Variants in MSN observed in about 807,000 individuals in gnomAD.
MSN encodes the protein epididymis luminal protein 70.
MSN carries 2 observed loss-of-function variants against 48.0 expected under a neutral mutation model. That is an observed-to-expected ratio of 0.04 (90% CI 0.02 to 0.13). The LOEUF (loss-of-function observed/expected upper bound fraction) is 0.13, where lower values mean the gene tolerates loss of function less well. Ranked by LOEUF, MSN falls within the 10% of genes least tolerant of loss-of-function variation. The pLI is 1.00. For synonymous variants in MSN, 146 were observed against 166.9 expected (o/e 0.87, Z 0.97); for missense variants, 267 against 470.1 (o/e 0.57, Z 3.99).
At chrX:65,623,851 C>A (rs182600951) in intron 1 of MSN, among the ~76,000 whole-genome samples, 2 of 109,002 alleles carry the variant, frequency 1.8e-5, no homozygotes, top group East Asian at 2.9e-4. Context: ...TAAGTGAAAT[C>A]ATCTGGCTCT....
intron 1 of MSN, among the ~76,000 whole-genome samples, chrX:65,670,900 A>T (rs1207858522): frequency 5.3e-3 from 4 of 749 alleles, no homozygotes; most frequent in Admixed American, 0.019. Context: ...TGACAGTTAT[A>T]TATATATATA....
intron 1 of MSN, among the ~76,000 whole-genome samples, chrX:65,708,898 G>A (rs942292341): frequency 3.6e-5 from 4 of 111,466 alleles, no homozygotes; most frequent in Non-Finnish European, 1.9e-5. Context: ...GGCCAGGCTG[G>A]TCTTGAACTC....
intron 1 of MSN, among the ~76,000 whole-genome samples, chrX:65,659,245 C>G (rs1051088377): frequency 9.1e-6 from 1 of 110,470 alleles, no homozygotes. Context: ...TCTTTGCCTC[C>G]CAGGTTCAAG....
intron 2 of MSN, among the ~76,000 whole-genome samples, chrX:65,722,751 C>T (rs747167372): frequency 1.1e-4 from 12 of 110,295 alleles, no homozygotes; most frequent in Non-Finnish European, 2.1e-4. Flanking sequence ...CTGATGACAT[C>T]ACTAGTTTGT....
chrX:65,609,312 C>T (rs1256887515), intron 1 of MSN, among the ~76,000 whole-genome samples: 3 of 109,904 alleles, frequency 2.7e-5, no homozygotes, highest in African/African-American at 9.9e-5. Flanking sequence ...TATAGGGTTT[C>T]CATGCCTACC....
intron 1 of MSN, chrX:65,716,399 C>T (rs146097976): frequency 1.1e-3 from 209 of 194,776 alleles, no homozygotes; most frequent in African/African-American, 5.7e-3. Context: ...CCCCAGCCTC[C>T]CAAGTAGCTT....
chrX:65,678,379 T>G (rs1402491422), intron 1 of MSN, among the ~76,000 whole-genome samples: 4 of 111,626 alleles, frequency 3.6e-5, no homozygotes, highest in Non-Finnish European at 5.6e-5. Flanking sequence ...TATCTCCCTT[T>G]ATCCTCTTGG....
intron 2 of MSN, among the ~76,000 whole-genome samples, chrX:65,722,401 G>T (rs190491345): frequency 1.0e-5 from 1 of 97,528 alleles, no homozygotes; most frequent in Non-Finnish European, 2.0e-5. Flanking sequence ...AGGCGTGCAC[G>T]CTCGTGTGTG....
chrX:65,639,489 C>G (rs1282681343), intron 1 of MSN, among the ~76,000 whole-genome samples: 2 of 111,973 alleles, frequency 1.8e-5, no homozygotes, highest in African/African-American at 6.5e-5. Context: ...AGCGAAAGAG[C>G]CAGAACCCAA....
chrX:65,708,135 G>C (rs2071379892), intron 1 of MSN, among the ~76,000 whole-genome samples: 1 of 110,866 alleles, frequency 9.0e-6, no homozygotes, highest in African/African-American at 3.3e-5. Flanking sequence ...ACAGGTGTGA[G>C]CTGCTGTACC....
At chrX:65,634,258 C>T (rs2070581089) in intron 1 of MSN, among the ~76,000 whole-genome samples, 4 of 111,933 alleles carry the variant, frequency 3.6e-5, no homozygotes, top group African/African-American at 1.3e-4. Context: ...CTTTAGAGGC[C>T]CTAGAAGAGG....
chrX:65,666,931 G>C (rs1229405366), upstream of MSN, among the ~76,000 whole-genome samples: 2 of 111,817 alleles, frequency 1.8e-5, no homozygotes, highest in Non-Finnish European at 3.8e-5. Flanking sequence ...CAGGACATCA[G>C]AAAGTGAATG....
chrX:65,593,829 C>T (rs1323712466), intron 1 of MSN, among the ~76,000 whole-genome samples: 1 of 112,916 alleles, frequency 8.9e-6, no homozygotes, highest in Non-Finnish European at 1.9e-5. Context: ...AGGCATGAGC[C>T]ACTGCACCCG....
At chrX:65,663,161 G>A (rs1322146069), upstream of MSN, among the ~76,000 whole-genome samples, 6 of 109,682 alleles carry the variant, frequency 5.5e-5, no homozygotes, top group Admixed American at 5.8e-4. Context: ...GGGAGGCTGA[G>A]GCAGGAAAAT....
chrX:65,643,122 T>C (rs1459921115), intron 1 of MSN, among the ~76,000 whole-genome samples: 1 of 111,483 alleles, frequency 9.0e-6, no homozygotes, highest in East Asian at 2.8e-4. Context: ...GGTGAATAGG[T>C]AGGTGGTTAC....
At chrX:65,615,926 C>T (rs2070367011) in intron 1 of MSN, among the ~76,000 whole-genome samples, 1 of 111,054 alleles carries the variant, frequency 9.0e-6, no homozygotes, top group African/African-American at 3.3e-5. Context: ...CTACATATGG[C>T]TAGCCAGTTT....
exon 1 of MSN, chrX:65,588,418 C>G (rs2070115146): frequency 3.2e-6 from 1 of 312,104 alleles, no homozygotes; most frequent in Non-Finnish European, 4.5e-6. Context: ...CCCGGAAAAC[C>G]TTAGCTCTTG....
intron 1 of MSN, among the ~76,000 whole-genome samples, chrX:65,643,146 T>G (rs2070670469): frequency 9.0e-6 from 1 of 111,528 alleles, no homozygotes; most frequent in African/African-American, 3.3e-5. Context: ...GGTGGTGTGA[T>G]TCCCAAGGGC....
chrX:65,670,226 A>G (rs1443859229), intron 1 of MSN, among the ~76,000 whole-genome samples: 1 of 111,854 alleles, frequency 8.9e-6, no homozygotes, highest in Non-Finnish European at 1.9e-5. Flanking sequence ...CAGTAATTTT[A>G]ATTAAAAGGG....
Sources: gnomAD v4.1 joint callset for allele counts (sites outside exome capture counted in the v4.1 genomes callset) on GRCh38, gnomAD v4.1.1 for gene constraint, MANE v1.5 for transcripts, NCBI Gene and HGNC (gene_info 2026-07-23, HGNC 2026-07-21) for gene names.